CTNND2: variants seen among roughly 807,000 people sequenced by gnomAD.
The protein encoded by CTNND2 is catenin delta 2.
In CTNND2, 22 loss-of-function variants were observed where a neutral mutation model predicts 144.4. The observed-to-expected ratio is 0.15, with a 90% CI of 0.11 to 0.22. The LOEUF is 0.22. Among genes scored for constraint, CTNND2 ranks in the 10% least tolerant of loss-of-function variants. The pLI is 1.00. For missense variants in CTNND2, 1,353 were observed against 1,618.8 expected, an observed-to-expected ratio of 0.84 and a Z score of 2.82; for synonymous variants, 751 against 695.6, an observed-to-expected ratio of 1.08 and a Z score of -1.25.
chr5:11,897,243 T>C (rs555934313), intron 1 of CTNND2, among the ~76,000 whole-genome samples: 10 of 152,336 alleles, frequency 6.6e-5, no homozygotes, highest in Middle Eastern at 3.4e-3. Flanking sequence ...TTGAAGGTAA[T>C]GACTGCTATA....
chr5:11,753,752 G>C (rs1400126973), intron 1 of CTNND2, among the ~76,000 whole-genome samples: 1 of 151,798 alleles, frequency 6.6e-6, no homozygotes, highest in Non-Finnish European at 1.5e-5. Flanking sequence ...ATTGGTACCA[G>C]CTCTTCTTAT....
At chr5:11,510,492 T>C (rs576314040) in intron 3 of CTNND2, among the ~76,000 whole-genome samples, 2 of 152,362 alleles carry the variant, frequency 1.3e-5, no homozygotes, top group South Asian at 4.1e-4. Context: ...GTGGTTTTAT[T>C]TGTACAGCTG....
intron 9 of CTNND2, among the ~76,000 whole-genome samples, chr5:11,286,248 A>G (rs1747739697): frequency 6.6e-6 from 1 of 152,194 alleles, no homozygotes; most frequent in Admixed American, 6.5e-5. Context: ...GTAAAAAAAA[A>G]GAGACATGCC....
chr5:11,706,369 A>C (rs879522751), intron 2 of CTNND2, among the ~76,000 whole-genome samples: 3 of 152,222 alleles, frequency 2.0e-5, no homozygotes, highest in Non-Finnish European at 2.9e-5. Flanking sequence ...GGGCCGAGCA[A>C]GGGATAGGGA....
At chr5:11,159,513 G>C (rs1460558954) in intron 12 of CTNND2, 63 bp downstream of exon 12, 64 of 1,367,538 alleles carry the variant, frequency 4.7e-5, no homozygotes, top group Non-Finnish European at 6.1e-5. Flanking sequence ...TAAAGTTATG[G>C]AAAGAGACAG....
At chr5:11,778,318 G>C (rs1314498799) in intron 1 of CTNND2, among the ~76,000 whole-genome samples, 1 of 152,026 alleles carries the variant, frequency 6.6e-6, no homozygotes, top group Admixed American at 6.6e-5. Flanking sequence ...GCGGGGCAGG[G>C]GGGCAGTGGT....
At chr5:11,670,768 C>T (rs1436018662) in intron 2 of CTNND2, among the ~76,000 whole-genome samples, 1 of 152,150 alleles carries the variant, frequency 6.6e-6, no homozygotes, top group East Asian at 1.9e-4. Flanking sequence ...GCATTTATCT[C>T]GTTTATATTT....
At chr5:10,985,075 AAAATAAATAAATAAAT>A (rs10599114) in intron 20 of CTNND2, among the ~76,000 whole-genome samples, 26 of 147,948 alleles carry the variant, frequency 1.8e-4, no homozygotes, top group African/African-American at 2.7e-4. Context: ...CTCCGTCTCA[AAAATAAATAAATAAAT>A]AAATAAATAA....
At chr5:11,141,054 A>C (rs1756676224) in intron 12 of CTNND2, among the ~76,000 whole-genome samples, 1 of 152,148 alleles carries the variant, frequency 6.6e-6, no homozygotes, top group Non-Finnish European at 1.5e-5. Flanking sequence ...TCCCAGGCTC[A>C]AGCGATCCTC....
chr5:11,431,701 C>T (rs921274819), intron 3 of CTNND2, among the ~76,000 whole-genome samples: 9 of 152,114 alleles, frequency 5.9e-5, no homozygotes, highest in African/African-American at 2.2e-4. Flanking sequence ...CCTCCGAAAC[C>T]TTCCTCTGAG....
At chr5:11,124,224 T>C (rs1189098483) in intron 12 of CTNND2, among the ~76,000 whole-genome samples, 1 of 152,098 alleles carries the variant, frequency 6.6e-6, no homozygotes, top group East Asian at 1.9e-4. Flanking sequence ...ACAGACCTAA[T>C]AGCTACCCCT....
At chr5:11,832,294 A>G (rs887614870) in intron 1 of CTNND2, among the ~76,000 whole-genome samples, 1 of 152,072 alleles carries the variant, frequency 6.6e-6, no homozygotes, top group Admixed American at 6.6e-5. Flanking sequence ...CAAAAATAAG[A>G]AAGAAAAAAA....
chr5:11,609,495 G>A (rs1029962292), intron 2 of CTNND2, among the ~76,000 whole-genome samples: 1 of 152,130 alleles, frequency 6.6e-6, no homozygotes, highest in African/African-American at 2.4e-5. Flanking sequence ...ACCTGACAGA[G>A]AATTATTAAT....
intron 3 of CTNND2, among the ~76,000 whole-genome samples, chr5:11,436,090 G>A (rs1464712813): frequency 6.6e-6 from 1 of 152,094 alleles, no homozygotes; most frequent in Non-Finnish European, 1.5e-5. Flanking sequence ...TGCTTCCTGA[G>A]CGCTTGCTCT....
At chr5:11,795,224 A>C (rs1291281233) in intron 1 of CTNND2, among the ~76,000 whole-genome samples, 3 of 152,186 alleles carry the variant, frequency 2.0e-5, no homozygotes, top group African/African-American at 7.2e-5. Flanking sequence ...CATAAATGCC[A>C]AGAATGTCTT....
At chr5:11,282,409 C>T (rs932503292) in intron 9 of CTNND2, among the ~76,000 whole-genome samples, 18 of 152,118 alleles carry the variant, frequency 1.2e-4, no homozygotes, top group African/African-American at 4.3e-4. Flanking sequence ...GCAGCATCAG[C>T]AACTGATTTC....
chr5:11,890,831 C>T (rs1021204973), intron 1 of CTNND2, among the ~76,000 whole-genome samples: 1 of 152,136 alleles, frequency 6.6e-6, no homozygotes, highest in Non-Finnish European at 1.5e-5. Context: ...CAGAGACAGG[C>T]GGCCAAAGTG....
intron 1 of CTNND2, among the ~76,000 whole-genome samples, chr5:11,856,375 T>C (rs1361945016): frequency 6.6e-6 from 1 of 152,160 alleles, no homozygotes; most frequent in Non-Finnish European, 1.5e-5. Context: ...GGAGTGAGTG[T>C]CATCTGAAGG....
chr5:11,738,440 C>A (rs1467736433), intron 1 of CTNND2, among the ~76,000 whole-genome samples: 1 of 152,116 alleles, frequency 6.6e-6, no homozygotes. Context: ...CTAAACTTTT[C>A]TTTCCCAAAT....
Sources: allele counts gnomAD v4.1 joint callset (sites outside exome capture counted in the v4.1 genomes callset), GRCh38; gene constraint gnomAD v4.1.1; transcripts MANE v1.5; gene names NCBI Gene and HGNC (gene_info 2026-07-23, HGNC 2026-07-21).